NRXN3: variants seen among roughly 807,000 people sequenced by gnomAD.
NRXN3 encodes the protein neurexin III.
A neutral mutation model predicts 137.6 loss-of-function variants in NRXN3; 32 were observed. The ratio of observed to expected loss-of-function variants is 0.23; its 90% CI spans 0.18 to 0.31. The LOEUF (loss-of-function observed/expected upper bound fraction) is 0.31. Among genes scored for constraint, NRXN3 ranks in the 10% least tolerant of loss-of-function variants. NRXN3 has a pLI of 1.00. For synonymous variants in NRXN3, 798 were observed against 784.5 expected, an observed-to-expected ratio of 1.02 and a Z score of -0.29; for missense variants, 1,574 against 2,062.5, an observed-to-expected ratio of 0.76 and a Z score of 4.59.
intron 4 of NRXN3, among the ~76,000 whole-genome samples, chr14:78,406,956 A>G (rs748248238): frequency 9.9e-5 from 15 of 152,166 alleles, no homozygotes; most frequent in Non-Finnish European, 1.5e-4. Flanking sequence ...TACCTGCTCC[A>G]GTGAAACTCG....
intron 15 of NRXN3, among the ~76,000 whole-genome samples, chr14:79,028,846 A>C (rs1398218392): frequency 3.3e-5 from 5 of 152,136 alleles, no homozygotes; most frequent in Admixed American, 3.3e-4. Flanking sequence ...GGTACCATGA[A>C]GGGGTATAGT....
At chr14:79,020,222 C>T (rs1323098340) in intron 15 of NRXN3, among the ~76,000 whole-genome samples, 1 of 5,086 alleles carries the variant, frequency 2.0e-4, no homozygotes, top group African/African-American at 6.5e-4. Context: ...CCCTCCCCTC[C>T]CCTCCCCTCC....
At chr14:79,096,313 T>C (rs2152825600) in intron 15 of NRXN3, among the ~76,000 whole-genome samples, 1 of 152,222 alleles carries the variant, frequency 6.6e-6, no homozygotes, top group Non-Finnish European at 1.5e-5. Flanking sequence ...TTTCACTGTG[T>C]TGCCCAGGCT....
chr14:79,584,543 G>A (rs1204279998), intron 16 of NRXN3, among the ~76,000 whole-genome samples: 1 of 152,156 alleles, frequency 6.6e-6, no homozygotes, highest in Non-Finnish European at 1.5e-5. Flanking sequence ...GGAAGTTGAT[G>A]GCAGCAATTT....
intron 2 of NRXN3, among the ~76,000 whole-genome samples, chr14:78,262,683 T>G (rs1434481581): frequency 2.0e-5 from 3 of 152,102 alleles, no homozygotes; most frequent in Admixed American, 6.6e-5. Flanking sequence ...AGAAAGGGGT[T>G]GTTGTCTTGA....
At chr14:78,820,617 T>G (rs1394062526) in intron 10 of NRXN3, among the ~76,000 whole-genome samples, 1 of 152,076 alleles carries the variant, frequency 6.6e-6, no homozygotes, top group African/African-American at 2.4e-5. Context: ...AGAAAATCAT[T>G]GTCATCCCCA....
chr14:78,348,112 A>G (rs2082988218), intron 4 of NRXN3, among the ~76,000 whole-genome samples: 1 of 152,154 alleles, frequency 6.6e-6, no homozygotes, highest in Admixed American at 6.5e-5. Flanking sequence ...TGTGCATGGC[A>G]TCAAAGCTCA....
At chr14:78,611,652 A>G (rs1214477493) in intron 4 of NRXN3, among the ~76,000 whole-genome samples, 1 of 152,168 alleles carries the variant, frequency 6.6e-6, no homozygotes, top group Non-Finnish European at 1.5e-5. Flanking sequence ...AAGATCAGGC[A>G]AGTAAGTGTC....
At chr14:79,706,303 TTTC>T (rs988679132) in intron 19 of NRXN3, among the ~76,000 whole-genome samples, 3 of 152,202 alleles carry the variant, frequency 2.0e-5, no homozygotes, top group Non-Finnish European at 2.9e-5. Context: ...CCCTTTCCAG[TTTC>T]TTCTTCTTCC....
chr14:79,397,842 C>A (rs769430138), intron 15 of NRXN3, among the ~76,000 whole-genome samples: 18 of 152,202 alleles, frequency 1.2e-4, no homozygotes, highest in Non-Finnish European at 2.5e-4. Flanking sequence ...TTAGCTACAA[C>A]TCACTGGCTG....
intron 6 of NRXN3, among the ~76,000 whole-genome samples, chr14:78,706,253 T>A (rs1404836031): frequency 6.6e-6 from 1 of 152,226 alleles, no homozygotes; most frequent in Admixed American, 6.5e-5. Flanking sequence ...AGTTCTCACA[T>A]GCTAAGGTAT....
At chr14:78,947,344 C>A (rs952386628) in intron 10 of NRXN3, among the ~76,000 whole-genome samples, 1 of 152,168 alleles carries the variant, frequency 6.6e-6, no homozygotes, top group Admixed American at 6.5e-5. Flanking sequence ...GCTGCAAACA[C>A]CATGGAGGTT....
intron 19 of NRXN3, among the ~76,000 whole-genome samples, chr14:79,783,838 T>C (rs2099121346): frequency 6.6e-6 from 1 of 152,198 alleles, no homozygotes; most frequent in Non-Finnish European, 1.5e-5. Context: ...CTTCATTCTT[T>C]CTGTGACCTT....
intron 4 of NRXN3, among the ~76,000 whole-genome samples, chr14:78,619,317 CT>C (rs1339561538): frequency 9.9e-5 from 15 of 152,240 alleles, no homozygotes; most frequent in Middle Eastern, 3.4e-3. Flanking sequence ...GTTTTTCCCC[CT>C]CCCACACCCA....
intron 4 of NRXN3, among the ~76,000 whole-genome samples, chr14:78,412,414 G>C (rs921364135): frequency 6.6e-6 from 1 of 151,488 alleles, no homozygotes; most frequent in Non-Finnish European, 1.5e-5. Context: ...AAATTTGGAG[G>C]TGTTTTTTTA....
At chr14:79,789,921 C>G (rs2140269348) in intron 19 of NRXN3, among the ~76,000 whole-genome samples, 1 of 152,186 alleles carries the variant, frequency 6.6e-6, no homozygotes, top group African/African-American at 2.4e-5. Context: ...GGTTCAAGCA[C>G]CTCTGACAGA....
At chr14:78,435,981 C>T (rs570419470) in intron 4 of NRXN3, among the ~76,000 whole-genome samples, 1 of 152,258 alleles carries the variant, frequency 6.6e-6, no homozygotes, top group South Asian at 2.1e-4. Flanking sequence ...GAGCAGGAAC[C>T]CAGAGCAATT....
At chr14:78,173,171 G>A (rs973160557) in intron 1 of NRXN3, among the ~76,000 whole-genome samples, 1 of 152,014 alleles carries the variant, frequency 6.6e-6, no homozygotes, top group African/African-American at 2.4e-5. Flanking sequence ...GGGATGTGGG[G>A]GGAGACGGAG....
At chr14:79,730,674 T>TTAAC in intron 19 of NRXN3, among the ~76,000 whole-genome samples, 1 of 152,328 alleles carries the variant, frequency 6.6e-6, no homozygotes, top group East Asian at 1.9e-4. Flanking sequence ...GTTGTAGATA[T>TTAAC]TAACTATGTA....
Sources: allele counts gnomAD v4.1 joint callset (sites outside exome capture counted in the v4.1 genomes callset), GRCh38; gene constraint gnomAD v4.1.1; transcripts MANE v1.5; gene names NCBI Gene and HGNC (gene_info 2026-07-23, HGNC 2026-07-21).